The following TFEB variants were observed in gnomAD, a reference collection of about 807,000 sequenced individuals.
TFEB encodes the protein T-cell transcription factor EB.
A neutral mutation model predicts 48.0 loss-of-function variants in TFEB; 12 were observed. That is an observed-to-expected ratio of 0.25 (90% confidence interval 0.16 to 0.40). The LOEUF is 0.40. TFEB is among the 10% of genes least tolerant of loss of function. The pLI is 1.00. For synonymous variants in TFEB, 244 were observed against 261.4 expected, an observed-to-expected ratio of 0.93 and a Z score of 0.64; for missense variants, 509 against 640.3, an observed-to-expected ratio of 0.79 and a Z score of 2.21.
chr6:41,734,427 G>A lies in TFEB; in HGVS notation c.-23+923C>T, dbSNP rs1477960429. On this transcript the variant is annotated intron_variant, in intron 1 of 8. Transcript: ENST00000373033. This position sits in a 1 kb window ranked among gnomAD's most constrained non-coding sequence, Gnocchi z 4.0. ...CGGAACCCCGCGCGGGGAGGGGGCC[G>A]AGCTGGCATCTGCCCGCTCCCTTCC... The A allele has an allele frequency of 4.1e-6, 4 of 974,390 alleles. No homozygotes were observed. The highest frequency in any genetic ancestry group is 4.9e-6 in the Non-Finnish European group (4 of 820,184). The allele number at this position is 974,390 out of a possible 1,614,324, so 60.4% of individuals were successfully genotyped here.
chr6:41,684,788 G>A lies in TFEB; in HGVS notation c.1242C>T (p.Pro414=), dbSNP rs755294100. ...AGCCATGCCCCGGCGCCAGGGGTTCGGGGTAGCCCGGGGGACCCTCGTCCT... is the reference window on the plus strand; with the variant it reads ...AGCCATGCCCCGGCGCCAGGGGTTCAGGGTAGCCCGGGGGACCCTCGTCCT... ...GREDEGPPGY[P]EPLAPGHGSP... Residue 414 remains proline, a synonymous_variant, in exon 9 of 9, where the codon CCC becomes CCT. Coordinates refer to ENST00000373033, the MANE Select transcript of TFEB (RefSeq NM_001271944.2). The A allele has an allele frequency of 7.5e-6, 12 of 1,607,750 alleles. No homozygotes were observed. Among genetic ancestry groups the A allele is most frequent in the South Asian group, 5.5e-5 (5 of 90,270 alleles).
intron 1 of TFEB, among the ~76,000 whole-genome samples, chr6:41,716,562 G>A (rs1402281726): frequency 6.6e-6 from 1 of 152,206 alleles, no homozygotes; most frequent in East Asian, 1.9e-4. Flanking sequence ...GACACCTACT[G>A]CATGCCAAGC....
chr6:41,713,293 G>A (rs1158402620), intron 1 of TFEB, among the ~76,000 whole-genome samples: 1 of 152,278 alleles, frequency 6.6e-6, no homozygotes, highest in Non-Finnish European at 1.5e-5. Flanking sequence ...CCAGGATGGC[G>A]AGGCGGGTGG....
chr6:41,731,562 C>T (rs565099992), intron 1 of TFEB, among the ~76,000 whole-genome samples: 47 of 152,206 alleles, frequency 3.1e-4, no homozygotes, highest in African/African-American at 1.1e-3. Flanking sequence ...GGAGGGAATC[C>T]CACAGATGAT....
intron 1 of TFEB, among the ~76,000 whole-genome samples, chr6:41,728,340 C>T (rs1771298819): frequency 6.6e-6 from 1 of 152,142 alleles, no homozygotes; most frequent in Non-Finnish European, 1.5e-5. Context: ...GGCCTCGATC[C>T]CCTCCTCTTG....
At chr6:41,711,823 C>T (rs1479038606) in intron 1 of TFEB, among the ~76,000 whole-genome samples, 2 of 152,206 alleles carry the variant, frequency 1.3e-5, no homozygotes, top group African/African-American at 4.8e-5. Flanking sequence ...GAACATGGGC[C>T]TGCGGCAGAG....
chr6:41,701,340 A>G (rs1769911086), intron 1 of TFEB, among the ~76,000 whole-genome samples: 1 of 152,212 alleles, frequency 6.6e-6, no homozygotes, highest in South Asian at 2.1e-4. Context: ...TGTGTCTGCC[A>G]TGCTTTGTTC....
Position 41,706,937 on chromosome 6 carries a change from C to T in TFEB, c.-22-15702G>A, listed in dbSNP as rs545044745. Among the ~76,000 whole-genome samples, 934 of 152,254 alleles carry T rather than the reference C, an allele frequency of 6.1e-3. 4 individuals are homozygous for T. The highest frequency in any genetic ancestry group is 0.017 in the African/African-American group (719 of 41,532). On this transcript the variant is annotated intron_variant, in intron 1 of 8. Transcript: ENST00000373033. ...GCACTCTGCCTTTACCAGGACAGAG[C>T]GAGGAGTGGGGTGTGTTGAACTCTG...
chr6:41,689,084 C>T (rs1352090219), intron 4 of TFEB, among the ~76,000 whole-genome samples: 1 of 152,218 alleles, frequency 6.6e-6, no homozygotes, highest in Non-Finnish European at 1.5e-5. Flanking sequence ...GAGCATCACC[C>T]CCATTTTGCA....
chr6:41,732,524 ACT>A, intron 1 of TFEB: 1 of 946,588 alleles, frequency 1.1e-6, no homozygotes. Context: ...TTATTGTTAC[ACT>A]CTCATAGACA....
At position 41,724,079 on chromosome 6, in the gene TFEB, C is replaced by G. The variant is rs1043608504; in HGVS notation, c.-23+11271G>C. 6 of 379,834 alleles carry G rather than the reference C, an allele frequency of 1.6e-5. No homozygotes were observed. The highest frequency in any genetic ancestry group is 3.3e-5 in the Admixed American group (1 of 30,288). 23.5% of individuals were successfully genotyped at this position (379,834 alleles called of 1,614,324 possible). ...TACTACAGCCCACCTTGAAATGGAG[C>G]CTGAGATCAAGCAGAGCCCTGGGCA... On this transcript the variant is annotated intron_variant, in intron 1 of 8. Coordinates refer to ENST00000373033, the MANE Select transcript of TFEB (RefSeq NM_001271944.2). This position sits in a 1 kb window ranked among gnomAD's most constrained non-coding sequence, Gnocchi z 4.4.
intron 1 of TFEB, among the ~76,000 whole-genome samples, chr6:41,706,907 AAGAAGCACT>A (rs1770252762): frequency 6.6e-6 from 1 of 152,138 alleles, no homozygotes; most frequent in South Asian, 2.1e-4. Flanking sequence ...TAAACACCAT[AAGAAGCACT>A]CTGCCTTTAC....
Position 41,720,225 on chromosome 6 carries a change from G to A in TFEB, c.-23+15125C>T, listed in dbSNP as rs1321663306. 6.6e-6 allele frequency among the ~76,000 whole-genome samples: 1 copy of A among 152,128 alleles called. No homozygotes were observed. Among genetic ancestry groups the A allele is most frequent in the Non-Finnish European group, 1.5e-5 (1 of 68,016 alleles). The stretch of plus-strand genomic sequence containing the variant: ...CTCCTGGGGTACTCAATGAAGAGTG[G>A]AGCTTTAGAGGTTGGGGGTTCCCAG... On this transcript the variant is annotated intron_variant, in intron 1 of 8. Transcript: ENST00000373033. This position sits in a 1 kb window ranked among gnomAD's most constrained non-coding sequence, Gnocchi z 4.1.
chr6:41,718,280 C>T (rs149697691), intron 1 of TFEB, among the ~76,000 whole-genome samples: 6 of 152,186 alleles, frequency 3.9e-5, no homozygotes, highest in East Asian at 3.9e-4. Flanking sequence ...ATGATCACAG[C>T]GCACTGCAGC....
At chr6:41,735,162 G>T in intron 1 of TFEB, 188 bp downstream of exon 1, 2 of 940,202 alleles carry the variant, frequency 2.1e-6, no homozygotes, top group East Asian at 2.4e-4. Context: ...CGCCGCTCGG[G>T]CCACGCGCTG....
intron 1 of TFEB, among the ~76,000 whole-genome samples, chr6:41,697,931 T>G (rs1044805367): frequency 3.3e-5 from 5 of 152,198 alleles, no homozygotes; most frequent in Non-Finnish European, 5.9e-5. Flanking sequence ...TATACAAAAT[T>G]ATTACTGACT....
chr6:41,729,821 G>C (rs551352993), intron 1 of TFEB, among the ~76,000 whole-genome samples: 1 of 152,332 alleles, frequency 6.6e-6, no homozygotes, highest in South Asian at 2.1e-4. Context: ...GCCTTCAAAA[G>C]GGGACAGGCC....
At chr6:41,733,269 T>A (rs1042995421) in intron 1 of TFEB, 21 of 163,520 alleles carry the variant, frequency 1.3e-4, no homozygotes, top group Non-Finnish European at 2.3e-4. Context: ...CCTGCCCACC[T>A]CTGACTGTGA....
At position 41,691,121 on chromosome 6, in the gene TFEB, C is replaced by T. The variant is rs766777120; in HGVS notation, c.93G>A (p.Met31Ile). The T allele has an allele frequency of 7.6e-6, 12 of 1,585,750 alleles. No homozygotes were observed. The South Asian group carries it at 1.3e-4, about 17-fold the overall frequency. The change falls in exon 2 of 9, where the codon ATG becomes ATA. Residue 31 changes from methionine (M) to isoleucine (I), a missense_variant. Around this residue, in one of 4 missense-constraint regions of TFEB, gnomAD observed 251 missense variants for 317.2 expected, o/e 0.79. Coordinates refer to ENST00000373033, the MANE Select transcript of TFEB (RefSeq NM_001271944.2). The surrounding 1 kb of genome is among the most constrained non-coding windows in gnomAD (Gnocchi z 5.2). ...GCTGCTGCTGCTGCTGCATGTAATG[C>T]ATGACAGCCTGTTGCTGCATGCGCT... ...QRERMQQQAV[M>I]HYMQQQQQQQ...
Sources: gnomAD v4.1 joint callset for allele counts (sites outside exome capture counted in the v4.1 genomes callset) on GRCh38, gnomAD v4.1.1 for gene constraint, gnomAD v4.1.1 regional missense constraint, Gnocchi (gnomAD v3.1) non-coding constraint, MANE v1.5 for transcripts, NCBI Gene and HGNC (gene_info 2026-07-23, HGNC 2026-07-21) for gene names.